TMEM132C: variants seen among roughly 807,000 people sequenced by gnomAD.
TMEM132C encodes transmembrane protein 132C, also known as protein phosphatase 1, regulatory subunit 152.
In TMEM132C, 29 loss-of-function variants were observed where a neutral mutation model predicts 61.4. The ratio of observed to expected loss-of-function variants is 0.47; its 90% CI spans 0.35 to 0.64. The LOEUF (loss-of-function observed/expected upper bound fraction) is 0.64. Among genes scored for constraint, TMEM132C ranks in the 30% least tolerant of loss-of-function variants. TMEM132C has a pLI of 0.00. For synonymous variants in TMEM132C, 656 were observed against 633.1 expected (o/e 1.04, Z -0.54); for missense variants, 1,408 against 1,476.9 (o/e 0.95, Z 0.76).
chr12:128,629,624 G>T (rs1208106477), intron 4 of TMEM132C, among the ~76,000 whole-genome samples: 2 of 152,150 alleles, frequency 1.3e-5, no homozygotes, highest in Admixed American at 1.3e-4. Flanking sequence ...AGCCCTGCAG[G>T]TCCAACAGTC....
intron 2 of TMEM132C, among the ~76,000 whole-genome samples, chr12:128,433,447 A>G (rs532369424): frequency 6.6e-6 from 1 of 152,200 alleles, no homozygotes; most frequent in Non-Finnish European, 1.5e-5. Flanking sequence ...TGCCCAATTC[A>G]TGAATTATTT....
chr12:128,377,520 A>G (rs1319189316), intron 1 of TMEM132C, among the ~76,000 whole-genome samples: 1 of 152,218 alleles, frequency 6.6e-6, no homozygotes, highest in Non-Finnish European at 1.5e-5. Context: ...TTCAGCAGGT[A>G]TTTAAGAGTC....
intron 1 of TMEM132C, among the ~76,000 whole-genome samples, chr12:128,378,986 C>G (rs1874314834): frequency 6.6e-6 from 1 of 152,196 alleles, no homozygotes; most frequent in African/African-American, 2.4e-5. Context: ...TGCCTTTGCT[C>G]CTCTTTCACC....
chr12:128,365,747 T>G (rs1031419803), intron 1 of TMEM132C, among the ~76,000 whole-genome samples: 1 of 152,124 alleles, frequency 6.6e-6, no homozygotes, highest in Non-Finnish European at 1.5e-5. Context: ...ACAGTTGTGC[T>G]CCGAATAGTG....
chr12:128,289,199 C>T (rs993560346), intron 1 of TMEM132C: 3 of 152,224 alleles, frequency 2.0e-5, no homozygotes, highest in African/African-American at 4.8e-5. Context: ...CATACTCTCA[C>T]TTGTTCATTA....
intron 2 of TMEM132C, among the ~76,000 whole-genome samples, chr12:128,509,140 G>A (rs1872488469): frequency 6.6e-6 from 1 of 152,184 alleles, no homozygotes; most frequent in Non-Finnish European, 1.5e-5. Context: ...CCAAACCAAA[G>A]CAACAAATGA....
intron 1 of TMEM132C, among the ~76,000 whole-genome samples, chr12:128,300,405 G>A (rs1035332622): frequency 1.2e-4 from 19 of 152,152 alleles, no homozygotes; most frequent in Non-Finnish European, 2.5e-4. Flanking sequence ...ATTTGAAGGA[G>A]GCATTATGAT....
At chr12:128,636,601 T>C (rs1340877888) in intron 4 of TMEM132C, among the ~76,000 whole-genome samples, 2 of 150,130 alleles carry the variant, frequency 1.3e-5, no homozygotes, top group Non-Finnish European at 3.0e-5. Context: ...TGTGTGTGTG[T>C]GTGTATTAAG....
chr12:128,426,371 C>A lies in TMEM132C; in HGVS notation c.974+10751C>A, dbSNP rs909784880. Among the ~76,000 whole-genome samples the A allele has an allele frequency of 2.0e-5, 3 of 152,200 alleles. No homozygotes were observed. The East Asian group carries it at 5.8e-4, about 29-fold the overall frequency. ...ATGATCGTTGGCTCTTTCTTTCCTA[C>A]TGGGCATAATAAATCTGCAGGATCG... On this transcript the variant is annotated intron_variant, in intron 2 of 8. Coordinates refer to ENST00000435159, the MANE Select transcript of TMEM132C (RefSeq NM_001136103.3).
At chr12:128,505,496 A>T (rs548631176) in intron 2 of TMEM132C, among the ~76,000 whole-genome samples, 1 of 152,260 alleles carries the variant, frequency 6.6e-6, no homozygotes, top group East Asian at 1.9e-4. Context: ...TCCGGGATGA[A>T]ATTGGGGCCC....
At chr12:128,493,458 A>G (rs957967302) in intron 2 of TMEM132C, among the ~76,000 whole-genome samples, 6 of 152,106 alleles carry the variant, frequency 3.9e-5, no homozygotes, top group African/African-American at 1.4e-4. Context: ...CCATTTTCAC[A>G]GTATTGATTC....
In TMEM132C at chr12:128,650,607, C is replaced by T. The variant is rs528305797; in HGVS notation, c.1306-18810C>T. Among the ~76,000 whole-genome samples the T allele has an allele frequency of 2.0e-5, 3 of 152,112 alleles. No individual in the cohort carries two copies. The South Asian group carries it at 6.2e-4, about 32-fold the overall frequency. ...TCAGGGCAAGGATAGTGCATGCCTG[C>T]AGTCCCAGCTACTCGGGAGGCTGAA... is the stretch of plus-strand genomic sequence containing the variant. On this transcript the variant is annotated intron_variant, in intron 4 of 8. Transcript: ENST00000435159.
At chr12:128,694,409 T>C (rs547691817) in intron 6 of TMEM132C, among the ~76,000 whole-genome samples, 15 of 152,358 alleles carry the variant, frequency 9.8e-5, no homozygotes, top group African/African-American at 3.6e-4. Context: ...TGAAATGTTC[T>C]GTGCAGATCA....
At chr12:128,450,556 C>A (rs1870145280) in intron 2 of TMEM132C, among the ~76,000 whole-genome samples, 1 of 152,046 alleles carries the variant, frequency 6.6e-6, no homozygotes, top group African/African-American at 2.4e-5. Flanking sequence ...GGTAAGATAC[C>A]AAATTTTAGT....
At chr12:128,284,920 G>A (rs1431162675) in intron 1 of TMEM132C, among the ~76,000 whole-genome samples, 1 of 152,186 alleles carries the variant, frequency 6.6e-6, no homozygotes, top group Non-Finnish European at 1.5e-5. Context: ...AGGATTGCTT[G>A]AGCCCAGGAG....
intron 1 of TMEM132C, among the ~76,000 whole-genome samples, chr12:128,362,995 G>A (rs537354047): frequency 1.3e-5 from 2 of 152,128 alleles, no homozygotes; most frequent in African/African-American, 4.8e-5. Flanking sequence ...ATGAAGAGAG[G>A]GCCTGAGCAA....
rs115138543 is a variant in TMEM132C, at chr12:128,625,630, A to G, written c.1305+9295A>G. Among the ~76,000 whole-genome samples, 1,019 of 152,298 alleles carry G rather than the reference A, an allele frequency of 6.7e-3. 11 individuals carry two copies. Among genetic ancestry groups the G allele is most frequent in the African/African-American group, 0.023 (969 of 41,568 alleles). ...TTATAAAACCAACAGATCTCCTGAG[A>G]CTTATTCATGACCATGAGAACAGCA... is the stretch of plus-strand genomic sequence containing the variant. On this transcript the variant is annotated intron_variant, in intron 4 of 8. Transcript: ENST00000435159.
intron 1 of TMEM132C, among the ~76,000 whole-genome samples, chr12:128,379,082 G>A (rs1489573583): frequency 2.0e-5 from 3 of 152,174 alleles, no homozygotes; most frequent in African/African-American, 7.2e-5. Flanking sequence ...CCAGTCTTTG[G>A]TTTGTCTTTA....
chr12:128,689,811 C>T (rs1056533038), intron 5 of TMEM132C, among the ~76,000 whole-genome samples: 7 of 152,162 alleles, frequency 4.6e-5, no homozygotes, highest in African/African-American at 9.7e-5. Context: ...CATCCGCAGC[C>T]GCTGGTTACA....
Sources: gnomAD v4.1 joint callset for allele counts (sites outside exome capture counted in the v4.1 genomes callset) on GRCh38, gnomAD v4.1.1 for gene constraint, MANE v1.5 for transcripts, NCBI Gene and HGNC (gene_info 2026-07-23, HGNC 2026-07-21) for gene names.